Variants in DLG2 observed in about 807,000 individuals in gnomAD.
DLG2 encodes the protein discs large MAGUK scaffold protein 2, also known as disks large homolog 2.
DLG2 carries 45 observed loss-of-function variants against 132.5 expected under a neutral mutation model. The ratio of observed to expected loss-of-function variants is 0.34; its 90% CI spans 0.27 to 0.44. DLG2 has a LOEUF of 0.44. Among genes scored for constraint, DLG2 ranks in the 20% least tolerant of loss-of-function variants. The pLI is 1.00. For synonymous variants in DLG2, 424 were observed against 419.6 expected, an observed-to-expected ratio of 1.01 and a Z score of -0.13; for missense variants, 1,045 against 1,196.9, an observed-to-expected ratio of 0.87 and a Z score of 1.87.
intron 21 of DLG2, among the ~76,000 whole-genome samples, chr11:83,525,804 T>A (rs1175828081): frequency 6.6e-6 from 1 of 152,180 alleles, no homozygotes; most frequent in Non-Finnish European, 1.5e-5. Flanking sequence ...ATGACATTTC[T>A]TTTGTCAAAA....
intron 6 of DLG2, among the ~76,000 whole-genome samples, chr11:84,607,937 C>T (rs557568284): frequency 6.6e-6 from 1 of 152,276 alleles, no homozygotes; most frequent in East Asian, 1.9e-4. Flanking sequence ...TAACACATGA[C>T]TCTAACAACC....
chr11:84,094,776 A>G (rs1481488550), intron 10 of DLG2, among the ~76,000 whole-genome samples: 1 of 152,220 alleles, frequency 6.6e-6, no homozygotes, highest in African/African-American at 2.4e-5. Context: ...ATTGGGGATT[A>G]GCTTTCAACA....
chr11:83,984,954 A>G (rs1182110491), intron 11 of DLG2, among the ~76,000 whole-genome samples: 1 of 152,106 alleles, frequency 6.6e-6, no homozygotes, highest in Admixed American at 6.6e-5. Context: ...TGTATTTTTT[A>G]TCCATTGACC....
At chr11:84,398,152 A>G (rs141747361) in intron 7 of DLG2, among the ~76,000 whole-genome samples, 1 of 152,354 alleles carries the variant, frequency 6.6e-6, no homozygotes, top group East Asian at 1.9e-4. Context: ...CGCTTTGGCA[A>G]CATATAACAA....
At chr11:84,212,034 A>T (rs1032024584) in intron 8 of DLG2, among the ~76,000 whole-genome samples, 1 of 152,210 alleles carries the variant, frequency 6.6e-6, no homozygotes, top group Non-Finnish European at 1.5e-5. Context: ...TCATTATGAA[A>T]CATTTACACT....
intron 6 of DLG2, among the ~76,000 whole-genome samples, chr11:84,847,155 G>A (rs958821464): frequency 1.3e-5 from 2 of 152,114 alleles, no homozygotes; most frequent in African/African-American, 4.8e-5. Flanking sequence ...TTGAAAGAGA[G>A]CCCTACCGAA....
At chr11:83,525,604 G>T (rs1015761275) in intron 21 of DLG2, among the ~76,000 whole-genome samples, 2 of 152,140 alleles carry the variant, frequency 1.3e-5, no homozygotes, top group African/African-American at 2.4e-5. Context: ...TCAAAGAGTA[G>T]CCTCTTCTGA....
At chr11:84,738,660 A>T (rs1201316070) in intron 6 of DLG2, among the ~76,000 whole-genome samples, 1 of 151,874 alleles carries the variant, frequency 6.6e-6, no homozygotes, top group Non-Finnish European at 1.5e-5. Context: ...AGGAACTGAA[A>T]CTCCCCTACA....
At chr11:84,131,750 C>T (rs2094432265) in intron 9 of DLG2, among the ~76,000 whole-genome samples, 1 of 151,842 alleles carries the variant, frequency 6.6e-6, no homozygotes, top group African/African-American at 2.4e-5. Flanking sequence ...AACAAAAAAC[C>T]CAAACAGTGA....
chr11:84,237,285 C>T (rs2097170801), intron 8 of DLG2, among the ~76,000 whole-genome samples: 1 of 152,084 alleles, frequency 6.6e-6, no homozygotes, highest in South Asian at 2.1e-4. Context: ...GGTTGAGAGC[C>T]ACTGCTTTGA....
intron 3 of DLG2, among the ~76,000 whole-genome samples, chr11:85,525,236 T>G (rs1353541839): frequency 6.6e-6 from 1 of 152,182 alleles, no homozygotes; most frequent in Non-Finnish European, 1.5e-5. Flanking sequence ...ATTTTTTTAG[T>G]AAGAAAATAT....
At chr11:83,588,122 G>A (rs1360501554) in intron 19 of DLG2, among the ~76,000 whole-genome samples, 3 of 152,146 alleles carry the variant, frequency 2.0e-5, no homozygotes, top group Admixed American at 6.5e-5. Context: ...CGAACTGGGT[G>A]GAGCCCACCA....
At chr11:85,180,405 G>A (rs1177849814) in intron 4 of DLG2, among the ~76,000 whole-genome samples, 1 of 151,536 alleles carries the variant, frequency 6.6e-6, no homozygotes, top group African/African-American at 2.4e-5. Flanking sequence ...AGGGAGAGAG[G>A]GCAAACCACA....
In DLG2 at chr11:83,930,425, T is replaced by C. The variant is rs761581805; in HGVS notation, c.1399A>G (p.Arg467Gly). 7 of 1,614,038 alleles carry C rather than the reference T, an allele frequency of 4.3e-6. No homozygotes were observed. Among genetic ancestry groups the C allele is most frequent in the Non-Finnish European group, 5.9e-6 (7 of 1,179,892 alleles). ...NKLCDKPASP[R>G]HYSPVECDKS... is the part of the protein sequence containing the mutation. ...TCACACTCAACAGGGGAATAGTGCC[T>C]GGGAGAAGCAGGCTTATCACATAGT... Residue 467 changes from arginine (R) to glycine (G), a missense_variant, in exon 15 of 28, where the codon AGG (arginine) becomes GGG (glycine). Physicochemically the swap from Arg to Gly is moderately radical, Grantham distance 125. This residue lies in a region of DLG2 where 261 missense variants were observed against 256.1 expected (regional missense o/e 1.02). Coordinates refer to ENST00000376104, the MANE Select transcript of DLG2 (RefSeq NM_001142699.3).
intron 6 of DLG2, among the ~76,000 whole-genome samples, chr11:84,941,490 G>T (rs536067645): frequency 6.6e-6 from 1 of 152,048 alleles, no homozygotes; most frequent in East Asian, 1.9e-4. Context: ...GGATCATATG[G>T]TTTTTATCCT....
rs183386661 is a variant in DLG2, at chr11:85,297,589, T to C, written c.41-12224A>G. 1.4e-4 allele frequency among the ~76,000 whole-genome samples: 21 copies of C among 152,354 alleles called. 1 individual carries two copies. Among genetic ancestry groups the C allele is most frequent in the African/African-American group, 4.1e-4 (17 of 41,590 alleles). ...TACATCTATGAGCTTCTTCTCGTAT[T>C]TTCTTCTTTCTCTTTTCATTCCATT... On this transcript the variant is annotated intron_variant, in intron 3 of 27. Transcript: ENST00000376104.
intron 6 of DLG2, among the ~76,000 whole-genome samples, chr11:84,666,245 C>A (rs2153684545): frequency 6.6e-6 from 1 of 152,210 alleles, no homozygotes; most frequent in African/African-American, 2.4e-5. Flanking sequence ...CTCATCCAAT[C>A]AGTTAAAGAC....
chr11:84,955,475 T>G (rs1289165568), intron 6 of DLG2: 2 of 152,100 alleles, frequency 1.3e-5, no homozygotes, highest in Non-Finnish European at 2.9e-5. Flanking sequence ...CACAATAAAT[T>G]AGAATAAATT....
At chr11:84,697,740 C>T (rs1191973920) in intron 6 of DLG2, among the ~76,000 whole-genome samples, 1 of 151,396 alleles carries the variant, frequency 6.6e-6, no homozygotes, top group African/African-American at 2.4e-5. Context: ...AGTGAATATT[C>T]AAGCACAATC....
Sources: gnomAD v4.1 joint callset for allele counts (sites outside exome capture counted in the v4.1 genomes callset) on GRCh38, gnomAD v4.1.1 for gene constraint, gnomAD v4.1.1 regional missense constraint, MANE v1.5 for transcripts, NCBI Gene and HGNC (gene_info 2026-07-23, HGNC 2026-07-21) for gene names.